The following ADGRL3 variants were observed in gnomAD, a reference collection of about 807,000 sequenced individuals.
ADGRL3 encodes calcium-independent alpha-latrotoxin receptor 3.
A neutral mutation model predicts 153.5 loss-of-function variants in ADGRL3; 62 were observed. That is an observed-to-expected ratio of 0.40 (90% CI 0.33 to 0.50). The LOEUF is 0.50. ADGRL3 is among the 20% of genes least tolerant of loss of function. The probability of loss-of-function intolerance (pLI) is 0.47; values close to 1 mark genes in which losing one functional copy is unlikely to be tolerated. For missense variants in ADGRL3, 1,641 were observed against 1,859.4 expected, an observed-to-expected ratio of 0.88 and a Z score of 2.16; for synonymous variants, 710 against 672.5, an observed-to-expected ratio of 1.06 and a Z score of -0.86.
At chr4:61,366,854 G>C (rs972450276) in intron 1 of ADGRL3, among the ~76,000 whole-genome samples, 4 of 152,086 alleles carry the variant, frequency 2.6e-5, no homozygotes, top group African/African-American at 9.7e-5. Flanking sequence ...AACCAAGACT[G>C]TTGTGTACTG....
chr4:62,034,466 T>A (rs1396831264), intron 23 of ADGRL3, among the ~76,000 whole-genome samples: 3 of 151,848 alleles, frequency 2.0e-5, no homozygotes, highest in African/African-American at 7.2e-5. Flanking sequence ...CACATTTGTA[T>A]TTGGTGTCAA....
At chr4:61,770,588 C>T (rs2097072627) in intron 8 of ADGRL3, among the ~76,000 whole-genome samples, 1 of 152,068 alleles carries the variant, frequency 6.6e-6, no homozygotes, top group African/African-American at 2.4e-5. Flanking sequence ...TTGATATGAA[C>T]AGGAGAGATT....
intron 19 of ADGRL3, among the ~76,000 whole-genome samples, chr4:61,994,772 T>C (rs1022887724): frequency 6.6e-6 from 1 of 152,012 alleles, no homozygotes; most frequent in African/African-American, 2.4e-5. Flanking sequence ...TTAAATAACA[T>C]ATATATATCC....
At chr4:61,709,996 T>G (rs1452817352) in intron 6 of ADGRL3, among the ~76,000 whole-genome samples, 2 of 152,206 alleles carry the variant, frequency 1.3e-5, no homozygotes, top group Non-Finnish European at 2.9e-5. Flanking sequence ...ATATTATTAT[T>G]ATAGTCATGC....
At chr4:61,682,931 G>A (rs1020409137) in intron 6 of ADGRL3, among the ~76,000 whole-genome samples, 1 of 152,072 alleles carries the variant, frequency 6.6e-6, no homozygotes, top group African/African-American at 2.4e-5. Flanking sequence ...CGTCCTTCAA[G>A]GAGTTCAGTC....
intron 5 of ADGRL3, among the ~76,000 whole-genome samples, chr4:61,604,733 T>C (rs2099025204): frequency 6.6e-6 from 1 of 152,194 alleles, no homozygotes; most frequent in African/African-American, 2.4e-5. Context: ...TATGATTCAT[T>C]TGTAACAGAG....
chr4:61,805,781 G>T (rs1401357719), intron 8 of ADGRL3, among the ~76,000 whole-genome samples: 1 of 152,028 alleles, frequency 6.6e-6, no homozygotes, highest in Non-Finnish European at 1.5e-5. Context: ...TTTTTAAATA[G>T]CTACTTTACA....
At chr4:61,339,463 ATAAG>A (rs374623961) in intron 1 of ADGRL3, among the ~76,000 whole-genome samples, 146 of 152,294 alleles carry the variant, frequency 9.6e-4, no homozygotes, top group African/African-American at 3.2e-3. Flanking sequence ...TATGAACAGA[ATAAG>A]TGAGCTGGCA....
chr4:61,887,817 C>A (rs1183888751), intron 9 of ADGRL3, among the ~76,000 whole-genome samples: 1 of 151,846 alleles, frequency 6.6e-6, no homozygotes, highest in African/African-American at 2.4e-5. Context: ...TGCACTCCAG[C>A]TTGGCAACAG....
intron 2 of ADGRL3, among the ~76,000 whole-genome samples, chr4:61,449,620 G>T (rs1200109100): frequency 5.9e-5 from 9 of 152,006 alleles, no homozygotes; most frequent in Non-Finnish European, 1.3e-4. Context: ...ACCCAGTCTG[G>T]ACTATTAACA....
chr4:61,359,710 T>G lies in ADGRL3; in HGVS notation c.-239-23414T>G, dbSNP rs139483104. 6.7e-3 allele frequency among the ~76,000 whole-genome samples: 1,017 copies of G among 152,310 alleles called. 30 individuals carry two copies. The highest frequency in any genetic ancestry group is 0.041 in the Admixed American group (623 of 15,290). ...TATCACTGCTCACTGAATCGTACCT[T>G]GTATTTTATTTGTTTGTCATGTTTT... is the stretch of plus-strand genomic sequence containing the variant. On this transcript the variant is annotated intron_variant, in intron 1 of 26. Coordinates refer to ENST00000683033, the MANE Select transcript of ADGRL3 (RefSeq NM_001387552.1).
Position 61,611,342 on chromosome 4 carries a change from G to C in ADGRL3, c.473+23902G>C, listed in dbSNP as rs147689723. On this transcript the variant is annotated intron_variant, in intron 5 of 26. Coordinates refer to ENST00000683033, the MANE Select transcript of ADGRL3 (RefSeq NM_001387552.1). ...CTAGTCACATGGCCATACCTGATGA[G>C]AGTGTTGTGCTGGCCTATATAGTTT... Among the ~76,000 whole-genome samples, 32 of 152,250 alleles carry C rather than the reference G, an allele frequency of 2.1e-4. No homozygotes were observed. The East Asian group carries it at 6.0e-3, about 29-fold the overall frequency.
At chr4:61,931,555 T>C (rs2098817644) in intron 13 of ADGRL3, among the ~76,000 whole-genome samples, 1 of 152,162 alleles carries the variant, frequency 6.6e-6, no homozygotes, top group African/African-American at 2.4e-5. Context: ...AATTCGGGGA[T>C]GTGGTTCCAA....
rs147602810 is a variant in ADGRL3, at chr4:61,815,980, C to T, written c.1480+2091C>T. Among the ~76,000 whole-genome samples, 298 of 152,268 alleles carry T rather than the reference C, an allele frequency of 2.0e-3. 1 individual carries two copies. The highest frequency in any genetic ancestry group is 3.6e-3 in the Non-Finnish European group (247 of 68,018). Reference sequence around the variant, plus strand: ...AAGTATTTTGTTATAGCATCACAAACGGACTGAGATGGATGCTTATGACAT... The same window carrying T: ...AAGTATTTTGTTATAGCATCACAAATGGACTGAGATGGATGCTTATGACAT... On this transcript the variant is annotated intron_variant, in intron 9 of 26. Transcript: ENST00000683033.
intron 3 of ADGRL3, among the ~76,000 whole-genome samples, chr4:61,506,819 A>G (rs1028408367): frequency 6.6e-6 from 1 of 152,166 alleles, no homozygotes; most frequent in Non-Finnish European, 1.5e-5. Flanking sequence ...ACAACATTTC[A>G]TTCTTTTTCT....
At chr4:61,548,105 C>T (rs2098722632) in intron 4 of ADGRL3, among the ~76,000 whole-genome samples, 1 of 151,964 alleles carries the variant, frequency 6.6e-6, no homozygotes, top group Non-Finnish European at 1.5e-5. Context: ...TGTTCATGTC[C>T]TTTGCCCATG....
At chr4:61,386,856 C>T (rs2096742581) in intron 2 of ADGRL3, among the ~76,000 whole-genome samples, 1 of 152,008 alleles carries the variant, frequency 6.6e-6, no homozygotes, top group South Asian at 2.1e-4. Flanking sequence ...TTTATATTTG[C>T]TAGATTGTAT....
chr4:61,715,135 T>C (rs2096081091), intron 6 of ADGRL3, among the ~76,000 whole-genome samples: 1 of 152,192 alleles, frequency 6.6e-6, no homozygotes, highest in South Asian at 2.1e-4. Context: ...GCTGTAATAT[T>C]GTTGGTCAAG....
chr4:61,265,383 A>T (rs576143590), intron 1 of ADGRL3, among the ~76,000 whole-genome samples: 2 of 151,830 alleles, frequency 1.3e-5, no homozygotes, highest in African/African-American at 4.8e-5. Flanking sequence ...CATATGCCTG[A>T]TGATTCTGGG....
Sources: gnomAD v4.1 joint callset for allele counts (sites outside exome capture counted in the v4.1 genomes callset) on GRCh38, gnomAD v4.1.1 for gene constraint, MANE v1.5 for transcripts, NCBI Gene and HGNC (gene_info 2026-07-23, HGNC 2026-07-21) for gene names.